The following PRKG1 variants were observed in gnomAD, a reference collection of about 807,000 sequenced individuals.
The protein encoded by PRKG1 is cGMP-dependent protein kinase 1.
In PRKG1, 35 loss-of-function variants were observed where a neutral mutation model predicts 88.1. The observed-to-expected ratio is 0.40, with a 90% CI of 0.30 to 0.53. The LOEUF is 0.53. Among genes scored for constraint, PRKG1 ranks in the 20% least tolerant of loss-of-function variants. The probability of loss-of-function intolerance (pLI) is 0.59; values close to 1 mark genes in which losing one functional copy is unlikely to be tolerated. For missense variants in PRKG1, 540 were observed against 839.8 expected (o/e 0.64, Z 4.41); for synonymous variants, 303 against 292.5 (o/e 1.04, Z -0.37).
At chr10:51,897,012 T>A (rs183545114) in intron 4 of PRKG1, among the ~76,000 whole-genome samples, 114 of 152,248 alleles carry the variant, frequency 7.5e-4, no homozygotes, top group Middle Eastern at 6.8e-3. Context: ...CTGGCAGTGA[T>A]GTGTAAAGTA....
intron 1 of PRKG1, among the ~76,000 whole-genome samples, chr10:51,002,233 C>G (rs1449338297): frequency 6.6e-6 from 1 of 151,248 alleles, no homozygotes; most frequent in African/African-American, 2.4e-5. Flanking sequence ...CTATTCACTC[C>G]CTTCTACCCC....
At chr10:51,746,856 A>G (rs1199514788) in intron 3 of PRKG1, among the ~76,000 whole-genome samples, 3 of 152,214 alleles carry the variant, frequency 2.0e-5, no homozygotes, top group Non-Finnish European at 4.4e-5. Flanking sequence ...CTCCCAAAGC[A>G]GTTCCCCTCC....
chr10:51,988,138 A>T (rs1297120832), intron 5 of PRKG1, among the ~76,000 whole-genome samples: 1 of 152,064 alleles, frequency 6.6e-6, no homozygotes, highest in Non-Finnish European at 1.5e-5. Context: ...TAAACTTTGC[A>T]TAATATCGTT....
intron 2 of PRKG1, among the ~76,000 whole-genome samples, chr10:51,433,372 G>A (rs1265029059): frequency 1.3e-5 from 2 of 152,102 alleles, no homozygotes; most frequent in Non-Finnish European, 2.9e-5. Flanking sequence ...GCCCCATGTT[G>A]TAGCTTGGGT....
chr10:51,374,093 A>AAATATATATATATATAT lies in PRKG1; in HGVS notation c.479-93629_479-93628insATATATATATATATATA. 1.6e-4 allele frequency among the ~76,000 whole-genome samples: 16 copies of AAATATATATATATATAT among 100,182 alleles called. 1 individual carries two copies. The highest frequency in any genetic ancestry group is 8.5e-4 in the South Asian group (2 of 2,352). 65.7% of individuals were successfully genotyped at this position (100,182 alleles called of 152,430 possible). A position where few individuals can be genotyped will look rare whatever the true frequency, so the allele number is the denominator to read the frequency against. On this transcript the variant is annotated intron_variant, in intron 2 of 17. Coordinates refer to ENST00000373980, the MANE Select transcript of PRKG1 (RefSeq NM_006258.4). ...GCTGGCAGAGGTTGCAAAAAAAAAA[A>AAATATATATATATATAT]ATATATATATATATATATATGTACT...
chr10:51,519,086 G>A (rs921296345), intron 3 of PRKG1, among the ~76,000 whole-genome samples: 1 of 152,162 alleles, frequency 6.6e-6, no homozygotes, highest in Admixed American at 6.6e-5. Flanking sequence ...AATATTTTAT[G>A]GAAGAAGTTT....
At chr10:51,564,744 G>T (rs541067825) in intron 3 of PRKG1, among the ~76,000 whole-genome samples, 1 of 152,166 alleles carries the variant, frequency 6.6e-6, no homozygotes, top group South Asian at 2.1e-4. Context: ...ACTGAAAACA[G>T]TTTGCTTCGT....
chr10:51,086,657 G>T (rs1247981328), intron 1 of PRKG1, among the ~76,000 whole-genome samples: 1 of 152,110 alleles, frequency 6.6e-6, no homozygotes, highest in East Asian at 1.9e-4. Context: ...AAATATTTTG[G>T]TGAATATACC....
intron 2 of PRKG1, among the ~76,000 whole-genome samples, chr10:51,187,318 A>C (rs944072388): frequency 1.3e-5 from 2 of 151,984 alleles, no homozygotes; most frequent in East Asian, 3.9e-4. Flanking sequence ...CCTGTAAATA[A>C]GGGCAATGAA....
At chr10:51,976,851 A>C (rs957238872) in intron 5 of PRKG1, among the ~76,000 whole-genome samples, 1 of 152,022 alleles carries the variant, frequency 6.6e-6, no homozygotes, top group Non-Finnish European at 1.5e-5. Context: ...TTAAGTTATG[A>C]CCTGTGTTAG....
At chr10:51,391,253 AGAGT>A (rs1231583044) in intron 2 of PRKG1, among the ~76,000 whole-genome samples, 20 of 152,236 alleles carry the variant, frequency 1.3e-4, no homozygotes, top group Admixed American at 1.0e-3. Context: ...TACCTCCTGC[AGAGT>A]GAGTGAGTTT....
At chr10:51,405,277 TG>T (rs1465082269) in intron 2 of PRKG1, among the ~76,000 whole-genome samples, 1 of 152,166 alleles carries the variant, frequency 6.6e-6, no homozygotes, top group African/African-American at 2.4e-5. Flanking sequence ...CATCCTAAAC[TG>T]GGGACTGGCT....
intron 2 of PRKG1, among the ~76,000 whole-genome samples, chr10:51,195,886 G>T (rs1005963280): frequency 6.6e-6 from 1 of 152,194 alleles, no homozygotes; most frequent in African/African-American, 2.4e-5. Flanking sequence ...ATGAGCTGGA[G>T]ATTCCAGTTT....
intron 2 of PRKG1, among the ~76,000 whole-genome samples, chr10:51,175,576 A>T (rs1198642583): frequency 6.6e-6 from 1 of 151,816 alleles, no homozygotes; most frequent in Non-Finnish European, 1.5e-5. Context: ...ATCCTTTCCC[A>T]CCTTTCAAGG....
intron 3 of PRKG1, among the ~76,000 whole-genome samples, chr10:51,599,005 T>C (rs1463877035): frequency 6.6e-6 from 1 of 152,130 alleles, no homozygotes; most frequent in African/African-American, 2.4e-5. Flanking sequence ...GCCAGAGTTG[T>C]TTAGAGCTGA....
intron 9 of PRKG1, among the ~76,000 whole-genome samples, chr10:52,170,392 CA>C (rs1358823589): frequency 6.6e-6 from 1 of 152,058 alleles, no homozygotes; most frequent in Non-Finnish European, 1.5e-5. Context: ...TAGAAGTAAA[CA>C]AGAAAGATGT....
intron 3 of PRKG1, among the ~76,000 whole-genome samples, chr10:51,730,586 C>T (rs1243638700): frequency 1.3e-5 from 2 of 152,078 alleles, no homozygotes; most frequent in Non-Finnish European, 2.9e-5. Flanking sequence ...AAACTAGTGG[C>T]TTTCAAGTTT....
At chr10:51,508,122 A>G (rs1841281603) in intron 3 of PRKG1, among the ~76,000 whole-genome samples, 1 of 152,162 alleles carries the variant, frequency 6.6e-6, no homozygotes, top group South Asian at 2.1e-4. Flanking sequence ...GATGACTTAT[A>G]GATACCCCAT....
chr10:51,267,125 T>C (rs1382354643), intron 2 of PRKG1, among the ~76,000 whole-genome samples: 2 of 152,210 alleles, frequency 1.3e-5, no homozygotes, highest in African/African-American at 4.8e-5. Flanking sequence ...TCACCCCTGT[T>C]TCTTAGTAAA....
Sources: gnomAD v4.1 joint callset for allele counts (sites outside exome capture counted in the v4.1 genomes callset) on GRCh38, gnomAD v4.1.1 for gene constraint, MANE v1.5 for transcripts, NCBI Gene and HGNC (gene_info 2026-07-23, HGNC 2026-07-21) for gene names.